Variants in CACNB2 observed in about 807,000 individuals in gnomAD.
The protein encoded by CACNB2 is calcium voltage-gated channel auxiliary subunit beta 2, also known as voltage-dependent L-type calcium channel subunit beta-2.
CACNB2 carries 42 observed loss-of-function variants against 73.3 expected under a neutral mutation model. That is an observed-to-expected ratio of 0.57 (90% CI 0.45 to 0.74). The LOEUF (loss-of-function observed/expected upper bound fraction) is 0.74. CACNB2 is among the 30% of genes least tolerant of loss of function. The pLI is 0.00. For synonymous variants in CACNB2, 348 were observed against 310.3 expected, an observed-to-expected ratio of 1.12 and a Z score of -1.28; for missense variants, 940 against 853.0, an observed-to-expected ratio of 1.10 and a Z score of -1.27.
At chr10:18,530,916 C>G (rs1443868477) in intron 10 of CACNB2, among the ~76,000 whole-genome samples, 1 of 152,184 alleles carries the variant, frequency 6.6e-6, no homozygotes, top group Non-Finnish European at 1.5e-5. Flanking sequence ...CCCCCCAAGC[C>G]ACTTTGATAT....
chr10:18,253,236 G>A (rs2037157092), intron 2 of CACNB2, among the ~76,000 whole-genome samples: 1 of 152,050 alleles, frequency 6.6e-6, no homozygotes, highest in Admixed American at 6.6e-5. Flanking sequence ...TGAGTCCCTG[G>A]GTTTTTAAAA....
At chr10:18,533,229 T>TA (rs1438799298) in intron 10 of CACNB2, 3 of 152,238 alleles carry the variant, frequency 2.0e-5, no homozygotes, top group Non-Finnish European at 4.4e-5. Flanking sequence ...TGCTGCCTAG[T>TA]AATAGTAGCT....
At chr10:18,152,709 C>CAAAAAACA (rs2031668874) in intron 2 of CACNB2, among the ~76,000 whole-genome samples, 1 of 49,354 alleles carries the variant, frequency 2.0e-5, no homozygotes, top group Admixed American at 2.8e-4. Context: ...TGAAACAGAC[C>CAAAAAACA]AAAAAAAAAA....
chr10:18,412,320 C>T (rs11813702), intron 3 of CACNB2, among the ~76,000 whole-genome samples: 6,458 of 152,212 alleles, frequency 0.042, 470 homozygotes, highest in African/African-American at 0.15. Flanking sequence ...AAACAACCTG[C>T]CACATTCATC....
chr10:18,223,867 C>T (rs1352641386), intron 2 of CACNB2, among the ~76,000 whole-genome samples: 1 of 151,898 alleles, frequency 6.6e-6, no homozygotes, highest in East Asian at 1.9e-4. Context: ...CCCAATAAAA[C>T]AGAAACTGCT....
At chr10:18,444,699 T>C (rs2046648604) in intron 3 of CACNB2, among the ~76,000 whole-genome samples, 1 of 152,206 alleles carries the variant, frequency 6.6e-6, no homozygotes, top group South Asian at 2.1e-4. Context: ...TAGATTTCCG[T>C]AATTTGTAAG....
chr10:18,467,370 A>G (rs974222222), intron 3 of CACNB2, among the ~76,000 whole-genome samples: 2 of 152,190 alleles, frequency 1.3e-5, no homozygotes, highest in African/African-American at 4.8e-5. Context: ...GTGTTCCCAG[A>G]GAGTGTTAAG....
chr10:18,314,444 G>A (rs904934004), intron 2 of CACNB2, among the ~76,000 whole-genome samples: 1 of 151,674 alleles, frequency 6.6e-6, no homozygotes, highest in African/African-American at 2.4e-5. Context: ...TATACTTTTT[G>A]TTTGTTACAT....
At chr10:18,508,782 C>A (rs1342054942) in intron 6 of CACNB2, among the ~76,000 whole-genome samples, 4 of 152,158 alleles carry the variant, frequency 2.6e-5, no homozygotes, top group Non-Finnish European at 5.9e-5. Flanking sequence ...AAAGTTCAGA[C>A]CTTGACTTAT....
intron 6 of CACNB2, among the ~76,000 whole-genome samples, chr10:18,511,058 G>T (rs1458966600): frequency 6.6e-6 from 1 of 152,182 alleles, no homozygotes; most frequent in Non-Finnish European, 1.5e-5. Context: ...TTAGCTATAG[G>T]ATGGTATAAA....
At chr10:18,231,845 C>T (rs1004489199) in intron 2 of CACNB2, among the ~76,000 whole-genome samples, 2 of 152,310 alleles carry the variant, frequency 1.3e-5, no homozygotes, top group African/African-American at 2.4e-5. Flanking sequence ...TTTCAGCCCT[C>T]ATCACTCCCC....
intron 2 of CACNB2, among the ~76,000 whole-genome samples, chr10:18,199,083 A>G (rs2034756422): frequency 6.6e-6 from 1 of 152,146 alleles, no homozygotes. Flanking sequence ...GTATGTTGAT[A>G]TGTGTCCGCT....
At chr10:18,293,029 A>G (rs16917145) in intron 2 of CACNB2, among the ~76,000 whole-genome samples, 2,165 of 152,272 alleles carry the variant, frequency 0.014, 18 homozygotes, top group Middle Eastern at 0.051. Flanking sequence ...TTTGAAATTC[A>G]CCAATTAGGT....
intron 2 of CACNB2, among the ~76,000 whole-genome samples, chr10:18,320,687 T>C (rs1040352456): frequency 2.0e-5 from 3 of 152,174 alleles, no homozygotes; most frequent in African/African-American, 7.2e-5. Context: ...CACAGGGTTG[T>C]TTTTTAGGTT....
At chr10:18,299,067 T>TAAAAAAAA (rs71402154) in intron 2 of CACNB2, among the ~76,000 whole-genome samples, 1 of 120,902 alleles carries the variant, frequency 8.3e-6, no homozygotes, top group Non-Finnish European at 1.7e-5. Context: ...TAAAGTATAC[T>TAAAAAAAA]AAAAAAAAAA....
chr10:18,531,753 T>TA (rs2053052997), intron 10 of CACNB2: 2 of 152,236 alleles, frequency 1.3e-5, no homozygotes, highest in African/African-American at 4.8e-5. Flanking sequence ...TGCATTTCTC[T>TA]AATGATCAGT....
chr10:18,329,948 C>T (rs2040735896), intron 2 of CACNB2, among the ~76,000 whole-genome samples: 1 of 152,096 alleles, frequency 6.6e-6, no homozygotes, highest in African/African-American at 2.4e-5. Flanking sequence ...TCAAGCGATT[C>T]TTCTGCCTCA....
intron 3 of CACNB2, among the ~76,000 whole-genome samples, chr10:18,415,252 G>T (rs1286086999): frequency 6.6e-6 from 1 of 152,068 alleles, no homozygotes; most frequent in Non-Finnish European, 1.5e-5. Flanking sequence ...AAAGCTTTAG[G>T]CCAGGAGTTT....
intron 2 of CACNB2, among the ~76,000 whole-genome samples, chr10:18,371,056 G>T (rs1465741440): frequency 2.0e-5 from 3 of 151,960 alleles, no homozygotes; most frequent in South Asian, 2.1e-4. Flanking sequence ...TTTCAGAAAG[G>T]TTATACTAAA....
Sources: gnomAD v4.1 joint callset for allele counts (sites outside exome capture counted in the v4.1 genomes callset) on GRCh38, gnomAD v4.1.1 for gene constraint, MANE v1.5 for transcripts, NCBI Gene and HGNC (gene_info 2026-07-23, HGNC 2026-07-21) for gene names.